CDYL: variants seen among roughly 807,000 people sequenced by gnomAD.
CDYL encodes chromodomain Y-like protein.
A neutral mutation model predicts 47.3 loss-of-function variants in CDYL; 8 were observed. That is an observed-to-expected ratio of 0.17 (90% CI 0.10 to 0.31). The LOEUF (loss-of-function observed/expected upper bound fraction) is 0.31. Among genes scored for constraint, CDYL ranks in the 10% least tolerant of loss-of-function variants. The pLI is 1.00. For synonymous variants in CDYL, 266 were observed against 265.0 expected (o/e 1.00, Z -0.04); for missense variants, 471 against 701.4 (o/e 0.67, Z 3.71).
chr6:4,841,045 C>T (rs1372627867), intron 1 of CDYL, among the ~76,000 whole-genome samples: 1 of 151,728 alleles, frequency 6.6e-6, no homozygotes, highest in African/African-American at 2.4e-5. Flanking sequence ...AGGTCCTGGA[C>T]TTTTTTTTGT....
chr6:4,844,147 G>A (rs1024058383), intron 1 of CDYL, among the ~76,000 whole-genome samples: 15 of 152,138 alleles, frequency 9.9e-5, no homozygotes, highest in Non-Finnish European at 1.5e-4. Flanking sequence ...GCTGGTACTC[G>A]GGAGTGTCTG....
chr6:4,776,734 C>A lies in CDYL; in HGVS notation c.-50C>A. ...AAACAAAGTGTCGGCCGCCCGGCGC[C>A]GGCGCCCGCCCCGACCCTGCCCCTC... is the stretch of plus-strand genomic sequence containing the variant. On this transcript the variant is annotated 5_prime_UTR_variant, in exon 1 of 7. Coordinates refer to ENST00000397588, the MANE Select transcript of CDYL (RefSeq NM_004824.4). The A allele has an allele frequency of 2.4e-6, 3 of 1,273,134 alleles. No homozygotes were observed. The highest frequency in any genetic ancestry group is 5.0e-5 in the East Asian group (1 of 19,952). The allele number at this position is 1,273,134 out of a possible 1,614,324, so 78.9% of individuals were successfully genotyped here.
rs146870867 is a variant in CDYL at position 4,724,811 on chromosome 6, G to A, written c.103+8930G>A. On this transcript the variant is annotated intron_variant, in intron 2 of 8. Transcript: ENST00000328908. ...AAAGCAGTGTGGACTCAAAGAATTAGCAGCAACAATATTTATTGCAAAGAG... is the reference window on the plus strand; with the variant it reads ...AAAGCAGTGTGGACTCAAAGAATTAACAGCAACAATATTTATTGCAAAGAG... 2.1e-3 allele frequency: 314 copies of A among 152,302 alleles called. 2 individuals carry two copies. The highest frequency in any genetic ancestry group is 6.2e-3 in the African/African-American group (256 of 41,566). The allele number at this position is 152,302 out of a possible 1,614,324, so 9.4% of individuals were successfully genotyped here. A position where few individuals can be genotyped will look rare whatever the true frequency, so the allele number is the denominator to read the frequency against.
At chr6:4,902,534 C>T (rs1757099661) in intron 2 of CDYL, among the ~76,000 whole-genome samples, 1 of 152,186 alleles carries the variant, frequency 6.6e-6, no homozygotes, top group Non-Finnish European at 1.5e-5. Context: ...GCAGCTGTGC[C>T]CAAGATGCTG....
intron 1 of CDYL, among the ~76,000 whole-genome samples, chr6:4,821,994 A>G (rs1256194175): frequency 1.3e-5 from 2 of 151,896 alleles, no homozygotes; most frequent in East Asian, 3.9e-4. Flanking sequence ...TTTTTGAGAT[A>G]GGGTTTTGCT....
intron 1 of CDYL, among the ~76,000 whole-genome samples, chr6:4,861,212 C>A (rs2027422): frequency 6.6e-6 from 1 of 152,186 alleles, no homozygotes; most frequent in Non-Finnish European, 1.5e-5. Flanking sequence ...ATGTGTATGG[C>A]GTATACGGTG....
In CDYL at chr6:4,907,656, A is replaced by C. The variant is rs185717347; in HGVS notation, c.691+15277A>C. ...TCCCAAAGTGCCTGTAATAGGCATG[A>C]GCCACCATGTCCAGCCTCTAATACG... On this transcript the variant is annotated intron_variant, in intron 2 of 6. Coordinates refer to ENST00000397588, the MANE Select transcript of CDYL (RefSeq NM_004824.4). Among the ~76,000 whole-genome samples, 15 of 152,352 alleles carry C rather than the reference A, an allele frequency of 9.8e-5. 1 individual carries two copies. In the East Asian group the frequency reaches 1.9e-3, roughly 20 times the overall value.
chr6:4,835,558 T>C (rs1418073427), intron 1 of CDYL, among the ~76,000 whole-genome samples: 5 of 152,248 alleles, frequency 3.3e-5, no homozygotes, highest in Non-Finnish European at 5.9e-5. Flanking sequence ...CTGCCAGTTC[T>C]CAGATCTCCA....
At chr6:4,831,113 ATCCCCAGTAATGGGATG>A (rs1359823377) in intron 1 of CDYL, among the ~76,000 whole-genome samples, 1 of 152,174 alleles carries the variant, frequency 6.6e-6, no homozygotes, top group Non-Finnish European at 1.5e-5. Context: ...CTTTGGGTAT[ATCCCCAGTAATGGGATG>A]GCTGGGTCAA....
chr6:4,896,602 A>G (rs998503766), intron 2 of CDYL, among the ~76,000 whole-genome samples: 3 of 152,226 alleles, frequency 2.0e-5, no homozygotes, highest in Non-Finnish European at 2.9e-5. Context: ...GACATTCCAG[A>G]AAGCCCTCGT....
intron 3 of CDYL, among the ~76,000 whole-genome samples, chr6:4,743,347 G>A (rs1447320272): frequency 6.6e-6 from 1 of 152,152 alleles, no homozygotes; most frequent in East Asian, 1.9e-4. Flanking sequence ...ACTCATAGCT[G>A]AGTTTAGATT....
intron 1 of CDYL, among the ~76,000 whole-genome samples, chr6:4,838,652 C>T (rs1760395930): frequency 6.6e-6 from 1 of 151,962 alleles, no homozygotes. Flanking sequence ...TGGGAAGATA[C>T]CCAGTAGTGG....
chr6:4,920,765 G>A (rs570259111), intron 2 of CDYL, among the ~76,000 whole-genome samples: 61 of 152,092 alleles, frequency 4.0e-4, no homozygotes, highest in Non-Finnish European at 6.8e-4. Context: ...ACAGTCACGC[G>A]CCACCACATG....
chr6:4,794,062 A>C (rs113599495), intron 1 of CDYL, among the ~76,000 whole-genome samples: 1,545 of 152,120 alleles, frequency 0.01, 38 homozygotes, highest in African/African-American at 0.035. Context: ...GAATTTTAGG[A>C]GTTATCCATG....
intron 1 of CDYL, among the ~76,000 whole-genome samples, chr6:4,713,595 T>C (rs1296500985): frequency 6.6e-6 from 1 of 151,506 alleles, no homozygotes; most frequent in Non-Finnish European, 1.5e-5. Context: ...GATTCTTTTT[T>C]TTTTTTTTTG....
intron 2 of CDYL, among the ~76,000 whole-genome samples, chr6:4,900,183 T>G (rs1371170866): frequency 6.6e-6 from 1 of 152,252 alleles, no homozygotes; most frequent in Non-Finnish European, 1.5e-5. Context: ...ATTTATATTC[T>G]TTTATATGAG....
chr6:4,844,562 T>A (rs1056008825), intron 1 of CDYL, among the ~76,000 whole-genome samples: 13 of 152,228 alleles, frequency 8.5e-5, no homozygotes, highest in African/African-American at 2.9e-4. Flanking sequence ...AGTCCTGCCT[T>A]TCTGTCTGCC....
In CDYL at chr6:4,807,786, T is replaced by A. The variant is rs547684732; in HGVS notation, c.24+30979T>A. ...ACCTGACTAATTTTTAATTTTTTTC[T>A]GTAGAGATAGGGTCTTGCTATGTTG... On this transcript the variant is annotated intron_variant, in intron 1 of 6. Coordinates refer to ENST00000397588, the MANE Select transcript of CDYL (RefSeq NM_004824.4). Among the ~76,000 whole-genome samples the A allele has an allele frequency of 4.6e-5, 7 of 151,878 alleles. No homozygotes were observed. The South Asian group carries it at 1.5e-3, about 32-fold the overall frequency.
At chr6:4,819,872 G>C (rs969130540) in intron 1 of CDYL, among the ~76,000 whole-genome samples, 1 of 152,182 alleles carries the variant, frequency 6.6e-6, no homozygotes, top group Non-Finnish European at 1.5e-5. Flanking sequence ...CCCACACCAA[G>C]AGTTACCTGG....
Sources: gnomAD v4.1 joint callset for allele counts (sites outside exome capture counted in the v4.1 genomes callset) on GRCh38, gnomAD v4.1.1 for gene constraint, MANE v1.5 for transcripts, NCBI Gene and HGNC (gene_info 2026-07-23, HGNC 2026-07-21) for gene names.